Variants in ZSWIM4 observed in about 807,000 individuals in gnomAD.
ZSWIM4 encodes zinc finger SWIM-type containing 4, also known as zinc finger SWIM domain-containing protein 4.
In ZSWIM4, 62 loss-of-function variants were observed where a neutral mutation model predicts 102.5. That is an observed-to-expected ratio of 0.60 (90% CI 0.49 to 0.75). ZSWIM4 has a LOEUF of 0.75. Among genes scored for constraint, ZSWIM4 ranks in the 30% least tolerant of loss-of-function variants. ZSWIM4 has a pLI of 0.00. For missense variants in ZSWIM4, 1,280 were observed against 1,529.6 expected, an observed-to-expected ratio of 0.84 and a Z score of 2.72; for synonymous variants, 652 against 674.5, an observed-to-expected ratio of 0.97 and a Z score of 0.52.
In ZSWIM4 at chr19:13,830,278, CCA is replaced by C; in HGVS notation, c.2555_2556del (p.His852ArgfsTer313). On this transcript the variant is annotated frameshift_variant, in exon 14 of 14. Coordinates refer to ENST00000590508, the MANE Select transcript of ZSWIM4 (RefSeq NM_001367834.3). LOFTEE classifies it high-confidence loss of function. ...GCTACCATCGTGGCAGTGACGGGCACCACACACGCCACTCTGCTGCGACTGCA... is the reference window on the plus strand; with the variant it reads ...GCTACCATCGTGGCAGTGACGGGCACCACACGCCACTCTGCTGCGACTGCA... 1 of 1,613,934 alleles carries C rather than the reference CCA, an allele frequency of 6.2e-7. No homozygotes were observed. The highest frequency in any genetic ancestry group is 8.5e-7 in the Non-Finnish European group (1 of 1,180,026).
At chr19:13,811,732 C>T (rs764995718) in intron 5 of ZSWIM4, among the ~76,000 whole-genome samples, 1 of 151,812 alleles carries the variant, frequency 6.6e-6, no homozygotes, top group Admixed American at 6.6e-5. Flanking sequence ...TTATATTATT[C>T]CCACAAGTTG....
chr19:13,828,918 TAGTG>T (rs1376697608), intron 13 of ZSWIM4, among the ~76,000 whole-genome samples, 192 bp downstream of exon 13: 1 of 151,242 alleles, frequency 6.6e-6, no homozygotes, highest in African/African-American at 2.4e-5. Context: ...CTGGGTAACA[TAGTG>T]AGACCCCATC....
rs898958449 is a variant in ZSWIM4, at chr19:13,809,478, C to T, written c.1012+258C>T. On this transcript the variant is annotated intron_variant, in intron 5 of 13. Transcript: ENST00000590508. The surrounding 1 kb of genome is among the most constrained non-coding windows in gnomAD (Gnocchi z 4.2). ...TCATTGGCCCAGGGGTTGATACACA[C>T]GTACACACGTTTTCTTTGTTTTGAG... Among the ~76,000 whole-genome samples the T allele has an allele frequency of 2.6e-5, 4 of 152,182 alleles. No homozygotes were observed. Among genetic ancestry groups the T allele is most frequent in the Non-Finnish European group, 4.4e-5 (3 of 68,038 alleles).
Position 13,797,676 on chromosome 19 carries a change from C to T in ZSWIM4, c.153+1875C>T, listed in dbSNP as rs576015850. On this transcript the variant is annotated intron_variant, in intron 1 of 13. Transcript: ENST00000590508. ...TATTTATTTATTTATTTATCTGAAA[C>T]GAGTCTCAGTCTGTTGCCAAGGCTG... 5.9e-5 allele frequency among the ~76,000 whole-genome samples: 9 copies of T among 152,178 alleles called. No homozygotes were observed. The East Asian group carries it at 1.2e-3, about 20-fold the overall frequency.
At chr19:13,802,050 A>T (rs1195390761) in intron 2 of ZSWIM4, among the ~76,000 whole-genome samples, 6 of 142,468 alleles carry the variant, frequency 4.2e-5, no homozygotes, top group African/African-American at 1.6e-4. Flanking sequence ...ATCTCGGCTT[A>T]CTGCAACCTC....
At chr19:13,817,142 A>G in intron 7 of ZSWIM4, 74 bp from the exon 8 acceptor site, 2 of 1,521,704 alleles carry the variant, frequency 1.3e-6, no homozygotes, top group Non-Finnish European at 1.8e-6. Flanking sequence ...TGGCAGGTCA[A>G]GAAGAGGAAT....
rs1974590177 is a variant in ZSWIM4 at position 13,795,684 on chromosome 19, C to G, written c.36C>G (p.Cys12Trp). ...CCGCGGCCAAGCGGAGCCGGGGCTGCCCCGCGGGACCCGAGGAGCGCGATG... is the reference window on the plus strand; with the variant it reads ...CCGCGGCCAAGCGGAGCCGGGGCTGGCCCGCGGGACCCGAGGAGCGCGATG... ...EPPAAKRSRG[C>W]PAGPEERDAG... Residue 12 changes from cysteine to tryptophan, a missense_variant, in exon 1 of 14, where the codon TGC (cysteine) becomes TGG (tryptophan). Coordinates refer to ENST00000590508, the MANE Select transcript of ZSWIM4 (RefSeq NM_001367834.3). 2 of 1,064,118 alleles carry G rather than the reference C, an allele frequency of 1.9e-6. No homozygotes were observed. Among genetic ancestry groups the G allele is most frequent in the South Asian group, 9.3e-5 (2 of 21,588 alleles). The allele number at this position is 1,064,118 out of a possible 1,614,324, so 65.9% of individuals were successfully genotyped here.
At position 13,812,991 on chromosome 19, in the gene ZSWIM4, C is replaced by T. The variant is rs1291526828; in HGVS notation, c.1013-6C>T. 2.5e-6 allele frequency: 4 copies of T among 1,602,078 alleles called. No individual in the cohort carries two copies. In the African/African-American group the frequency reaches 5.4e-5, roughly 21 times the overall value. On this transcript the variant is annotated splice_region_variant and splice_polypyrimidine_tract_variant and intron_variant, in intron 5 of 13. Transcript: ENST00000590508. The stretch of plus-strand genomic sequence containing the variant: ...GGAATATTGAGCCTGCCCCGTGCCT[C>T]CTCAGGGGCCCTGTGGGTTTGCGTC...
chr19:13,795,825 G>T (rs772481307), intron 1 of ZSWIM4, 24 bp downstream of exon 1: 1 of 1,224,986 alleles, frequency 8.2e-7, no homozygotes, highest in South Asian at 3.9e-5. Context: ...AAGGGGGCGG[G>T]GGCAGGGACG....
chr19:13,810,143 C>T (rs996337670), intron 5 of ZSWIM4, among the ~76,000 whole-genome samples: 9 of 151,000 alleles, frequency 6.0e-5, no homozygotes, highest in South Asian at 2.1e-4. Context: ...TACAGGCACC[C>T]GCCACTAAGT....
intron 11 of ZSWIM4, among the ~76,000 whole-genome samples, chr19:13,824,935 C>T (rs1975565648): frequency 1.3e-5 from 2 of 151,936 alleles, no homozygotes; most frequent in African/African-American, 2.4e-5. Context: ...CAGGGTCACA[C>T]AGCTAGTGGG....
At chr19:13,797,901 C>G (rs1307849280) in intron 1 of ZSWIM4, among the ~76,000 whole-genome samples, 1 of 152,186 alleles carries the variant, frequency 6.6e-6, no homozygotes, top group Non-Finnish European at 1.5e-5. Flanking sequence ...GATCCTCCCA[C>G]CTTGGCCTCC....
intron 10 of ZSWIM4, 56 bp from the exon 11 acceptor site, chr19:13,823,290 G>A: frequency 1.3e-6 from 2 of 1,560,026 alleles, no homozygotes; most frequent in Non-Finnish European, 1.7e-6. Context: ...CTGTCTCCTA[G>A]AGAGAATGGG....
At chr19:13,808,387 G>C (rs113914032) in intron 3 of ZSWIM4, among the ~76,000 whole-genome samples, 2,734 of 151,922 alleles carry the variant, frequency 0.018, 76 homozygotes, top group African/African-American at 0.063. Flanking sequence ...CAGATGGGTG[G>C]GTGGGGTTTA....
At chr19:13,823,641 C>T in intron 11 of ZSWIM4, 141 bp downstream of exon 11, 1 of 1,034,252 alleles carries the variant, frequency 9.7e-7, no homozygotes, top group South Asian at 1.6e-5. Flanking sequence ...ATGTACCGGA[C>T]ACTGTCTCAG....
Position 13,830,565 on chromosome 19 carries a change from C to G in ZSWIM4, c.2836C>G (p.Leu946Val). 1 of 1,599,734 alleles carries G rather than the reference C, an allele frequency of 6.3e-7. No individual in the cohort carries two copies. Among genetic ancestry groups the G allele is most frequent in the Non-Finnish European group, 8.5e-7 (1 of 1,179,694 alleles). The change falls in exon 14 of 14, where the codon CTG becomes GTG. Residue 946 changes from leucine (L) to valine (V), a missense_variant. Physicochemically the swap from Leu to Val is conservative, Grantham distance 32. Coordinates refer to ENST00000590508, the MANE Select transcript of ZSWIM4 (RefSeq NM_001367834.3). Reference sequence around the variant, plus strand: ...GGCCTACAAGCTGGCGACGCTGGCCCTGGCGCAGCTCAGCATCGCCTTCAA... The same window carrying G: ...GGCCTACAAGCTGGCGACGCTGGCCGTGGCGCAGCTCAGCATCGCCTTCAA... ...LRAYKLATLA[L>V]AQLSIAFNQD...
rs34724629 is a variant in ZSWIM4 at position 13,832,230 on chromosome 19, C to CAAAAAAAAAAAAAA, written c.*1191_*1204dup. 3 of 55,266 alleles carry CAAAAAAAAAAAAAA rather than the reference C, an allele frequency of 5.4e-5. No homozygotes were observed. Among genetic ancestry groups the CAAAAAAAAAAAAAA allele is most frequent in the African/African-American group, 2.2e-4 (3 of 13,706 alleles). 3.4% of individuals were successfully genotyped at this position (55,266 alleles called of 1,614,324 possible). ...CACACCCTCAACCTCGTTTCCTCCG[C>CAAAAAAAAAAAAAA]AAAAAAAAAAAAAAAAAAAAAAAAT... On this transcript the variant is annotated 3_prime_UTR_variant, in exon 14 of 14. Transcript: ENST00000590508.
intron 5 of ZSWIM4, among the ~76,000 whole-genome samples, chr19:13,811,031 A>T (rs1339988546): frequency 6.9e-6 from 1 of 144,974 alleles, no homozygotes; most frequent in Non-Finnish European, 1.5e-5. Context: ...CTCCTGCCTC[A>T]GCCTCCCGAG....
chr19:13,829,462 G>A (rs1400090287), intron 13 of ZSWIM4, among the ~76,000 whole-genome samples: 1 of 152,100 alleles, frequency 6.6e-6, no homozygotes, highest in African/African-American at 2.4e-5. Context: ...GTGGTGGCAG[G>A]TGCCTGTAAT....
Sources: gnomAD v4.1 joint callset for allele counts (sites outside exome capture counted in the v4.1 genomes callset) on GRCh38, gnomAD v4.1.1 for gene constraint, Gnocchi (gnomAD v3.1) non-coding constraint, MANE v1.5 for transcripts, NCBI Gene and HGNC (gene_info 2026-07-23, HGNC 2026-07-21) for gene names.